ZNF664: variants seen among roughly 807,000 people sequenced by gnomAD.
ZNF664 encodes the protein zinc finger Organ of Corti 1.
Under a neutral mutation model 18.2 loss-of-function variants are expected in ZNF664, and 10 were observed. The ratio of observed to expected loss-of-function variants is 0.55; its 90% CI spans 0.34 to 0.93. The LOEUF is 0.93. Ranked by LOEUF, ZNF664 falls within the 40% of genes least tolerant of loss-of-function variation. The pLI is 0.02. For synonymous variants in ZNF664, 119 were observed against 104.2 expected, an observed-to-expected ratio of 1.14 and a Z score of -0.86; for missense variants, 193 against 319.0, an observed-to-expected ratio of 0.61 and a Z score of 3.01.
intron 3 of ZNF664, among the ~76,000 whole-genome samples, chr12:124,002,516 G>T (rs1246524074): frequency 6.6e-6 from 1 of 152,216 alleles, no homozygotes; most frequent in Non-Finnish European, 1.5e-5. Context: ...AGAGGCTGTT[G>T]AAATAGTGCA....
chr12:123,990,596 G>T (rs189421720), intron 3 of ZNF664, among the ~76,000 whole-genome samples: 27 of 152,290 alleles, frequency 1.8e-4, no homozygotes, highest in Middle Eastern at 3.4e-3. Flanking sequence ...TACTACCACA[G>T]TGGAAGGAGG....
intron 3 of ZNF664, among the ~76,000 whole-genome samples, chr12:123,994,750 C>G (rs1005319487): frequency 6.6e-6 from 1 of 152,232 alleles, no homozygotes; most frequent in African/African-American, 2.4e-5. Flanking sequence ...TATTCATGAA[C>G]TTTTCGTACT....
At chr12:123,978,754 G>C (rs1956725230) in intron 2 of ZNF664, among the ~76,000 whole-genome samples, 1 of 152,148 alleles carries the variant, frequency 6.6e-6, no homozygotes, top group African/African-American at 2.4e-5. Flanking sequence ...TGCTATATGA[G>C]AAGTCAAAGC....
At chr12:123,988,229 G>A in intron 3 of ZNF664, 91 bp downstream of exon 3, 2 of 1,187,770 alleles carry the variant, frequency 1.7e-6, no homozygotes, top group South Asian at 4.3e-5. Context: ...TTTTTTCTGA[G>A]CATGTGCCCT....
At chr12:124,001,083 T>G (rs1404524014) in intron 3 of ZNF664, among the ~76,000 whole-genome samples, 1 of 152,198 alleles carries the variant, frequency 6.6e-6, no homozygotes, top group Admixed American at 6.5e-5. Flanking sequence ...TGGCTCCATC[T>G]CCATCCAGTT....
intron 2 of ZNF664, among the ~76,000 whole-genome samples, chr12:123,979,289 A>G (rs1204591464): frequency 1.3e-5 from 2 of 152,240 alleles, no homozygotes; most frequent in African/African-American, 2.4e-5. Flanking sequence ...TCTTAGATAA[A>G]TGTGTTCAAA....
chr12:123,974,966 T>G (rs960813358), intron 2 of ZNF664, among the ~76,000 whole-genome samples: 1 of 152,200 alleles, frequency 6.6e-6, no homozygotes, highest in Non-Finnish European at 1.5e-5. Context: ...GATTCGGCAT[T>G]TATGATGAAG....
chr12:123,976,063 GAT>G (rs1347052228), intron 2 of ZNF664, among the ~76,000 whole-genome samples: 1 of 152,114 alleles, frequency 6.6e-6, no homozygotes, highest in African/African-American at 2.4e-5. Flanking sequence ...CTTTCTTTCA[GAT>G]ATATATGAGT....
At position 124,012,665 on chromosome 12, in the gene ZNF664, A is replaced by T; in HGVS notation, c.521A>T (p.Tyr174Phe). 1.2e-6 allele frequency: 2 copies of T among 1,614,038 alleles called. No individual in the cohort carries two copies. Among genetic ancestry groups the T allele is most frequent in the Non-Finnish European group, 1.7e-6 (2 of 1,180,008 alleles). The change falls in exon 5 of 5, where the codon TAT becomes TTT. Residue 174 changes from tyrosine (Y) to phenylalanine (F), a missense_variant. Tyr to Phe is a conservative substitution (Grantham distance 22). Coordinates refer to ENST00000337815, the MANE Select transcript of ZNF664 (RefSeq NM_152437.3). ...ACAGGAGAGAAACCCTATAAATGTT[A>T]TGAGTGTGGGAAGGCGTTCAGTCAG... ...VHTGEKPYKC[Y>F]ECGKAFSQSS...
chr12:123,989,039 C>T (rs1956857293), intron 3 of ZNF664, among the ~76,000 whole-genome samples: 1 of 152,192 alleles, frequency 6.6e-6, no homozygotes, highest in African/African-American at 2.4e-5. Context: ...GTTTCTCAGG[C>T]CCTGGGCTTC....
chr12:124,007,181 C>T (rs913051214), intron 3 of ZNF664, among the ~76,000 whole-genome samples: 5 of 152,184 alleles, frequency 3.3e-5, no homozygotes, highest in African/African-American at 7.2e-5. Context: ...ATCCCCCCAC[C>T]GTGCAGTGAG....
chr12:124,007,629 T>A (rs1286041626), intron 3 of ZNF664, among the ~76,000 whole-genome samples: 1 of 152,160 alleles, frequency 6.6e-6, no homozygotes, highest in East Asian at 1.9e-4. Flanking sequence ...TGCCCCTCTA[T>A]GCGGTGGTCC....
chr12:123,985,119 G>T (rs889895851), intron 2 of ZNF664, among the ~76,000 whole-genome samples: 1 of 152,156 alleles, frequency 6.6e-6, no homozygotes, highest in African/African-American at 2.4e-5. Context: ...AGATGCTGTG[G>T]AGGAGCTCAG....
intron 3 of ZNF664, among the ~76,000 whole-genome samples, chr12:123,993,700 T>C (rs1956914229): frequency 6.6e-6 from 1 of 152,104 alleles, no homozygotes. Flanking sequence ...CTAAACAACG[T>C]TTCCTTTAAT....
At chr12:123,990,624 G>T (rs1956877995) in intron 3 of ZNF664, among the ~76,000 whole-genome samples, 2 of 152,146 alleles carry the variant, frequency 1.3e-5, no homozygotes, top group Admixed American at 1.3e-4. Flanking sequence ...TTTAGTAAAT[G>T]AGCACTAGAG....
At chr12:123,973,378 GTCTT>G (rs1410578266) in intron 1 of ZNF664, 26 bp downstream of exon 1, 28 of 962,802 alleles carry the variant, frequency 2.9e-5, no homozygotes, top group Middle Eastern at 5.3e-4. Context: ...CCGGGCTGCA[GTCTT>G]TCTTTCTTTC....
Position 123,973,340 on chromosome 12 carries a change from C to G in ZNF664, c.-904C>G, listed in dbSNP as rs1178440142. The stretch of plus-strand genomic sequence containing the variant: ...GCGCCCGCGGCCTGGGGCGCTGACT[C>G]CCCTCACTTGGAGTGAGTTCTCGGC... On this transcript the variant is annotated 5_prime_UTR_variant, in exon 1 of 5. Transcript: ENST00000337815. The G allele has an allele frequency of 2.0e-6, 2 of 984,114 alleles. No individual in the cohort carries two copies. The highest frequency in any genetic ancestry group is 1.1e-4 in the East Asian group (1 of 8,716). The allele number at this position is 984,114 out of a possible 1,614,324, so 61.0% of individuals were successfully genotyped here. A position where few individuals can be genotyped will look rare whatever the true frequency, so the allele number is the denominator to read the frequency against.
rs535723393 is a variant in ZNF664, at chr12:123,985,821, C to T, written c.-756-2222C>T. On this transcript the variant is annotated intron_variant, in intron 2 of 4. Transcript: ENST00000337815. ...CCTTAAGCCATTAAACTTTTGGAGG[C>T]CTTTACTATGTCATATCAAACATTA... Among the ~76,000 whole-genome samples the T allele has an allele frequency of 5.9e-4, 90 of 152,272 alleles. 3 individuals are homozygous for T. In the South Asian group the frequency reaches 0.018, roughly 31 times the overall value.
At chr12:123,994,154 G>A (rs1423738169) in intron 3 of ZNF664, among the ~76,000 whole-genome samples, 4 of 151,630 alleles carry the variant, frequency 2.6e-5, no homozygotes, top group African/African-American at 9.8e-5. Context: ...TTTGGTGATG[G>A]AAATTACTCA....
Sources: allele counts gnomAD v4.1 joint callset (sites outside exome capture counted in the v4.1 genomes callset), GRCh38; gene constraint gnomAD v4.1.1; transcripts MANE v1.5; gene names NCBI Gene and HGNC (gene_info 2026-07-23, HGNC 2026-07-21).